Variants in MYO6 observed in about 807,000 individuals in gnomAD.
MYO6 encodes myosin VI.
Under a neutral mutation model 178.7 loss-of-function variants are expected in MYO6, and 74 were observed. The ratio of observed to expected loss-of-function variants is 0.41; its 90% CI spans 0.34 to 0.50. The LOEUF (loss-of-function observed/expected upper bound fraction) is 0.50. Among genes scored for constraint, MYO6 ranks in the 20% least tolerant of loss-of-function variants. The pLI, the probability that MYO6 is intolerant of heterozygous loss-of-function variation, is 0.09. For synonymous variants in MYO6, 477 were observed against 504.6 expected, an observed-to-expected ratio of 0.95 and a Z score of 0.73; for missense variants, 1,330 against 1,547.4, an observed-to-expected ratio of 0.86 and a Z score of 2.36.
intron 17 of MYO6, 55 bp from the exon 18 acceptor site, chr6:75,866,877 T>A: frequency 6.4e-7 from 1 of 1,564,572 alleles, no homozygotes; most frequent in Non-Finnish European, 8.8e-7. Flanking sequence ...AGAGCCATGT[T>A]AAGTGATGTT....
chr6:75,799,485 C>G (rs902599142), intron 1 of MYO6, among the ~76,000 whole-genome samples: 1 of 151,934 alleles, frequency 6.6e-6, no homozygotes, highest in Non-Finnish European at 1.5e-5. Flanking sequence ...AAGAGAGTCT[C>G]ATTTTTGTAA....
intron 5 of MYO6, among the ~76,000 whole-genome samples, chr6:75,831,658 G>T (rs1031618970): frequency 2.6e-5 from 4 of 152,078 alleles, no homozygotes; most frequent in Non-Finnish European, 4.4e-5. Context: ...CAAGCACTTC[G>T]GGGAGGGCGG....
chr6:75,866,677 G>T, intron 17 of MYO6, 56 bp downstream of exon 17: 1 of 1,387,874 alleles, frequency 7.2e-7, no homozygotes, highest in Non-Finnish European at 1.0e-6. Context: ...GCACTGTACA[G>T]TATGATAGCT....
chr6:75,788,107 T>C (rs1583076616), intron 1 of MYO6, among the ~76,000 whole-genome samples: 1 of 152,156 alleles, frequency 6.6e-6, no homozygotes, highest in East Asian at 1.9e-4. Flanking sequence ...TTTTACTATA[T>C]GTAAATTATA....
intron 1 of MYO6, among the ~76,000 whole-genome samples, chr6:75,787,994 C>CA: frequency 6.6e-6 from 1 of 151,370 alleles, no homozygotes; most frequent in South Asian, 2.1e-4. Flanking sequence ...CTCCTGGGCT[C>CA]AAGTAATTCT....
intron 1 of MYO6, among the ~76,000 whole-genome samples, chr6:75,792,963 T>A (rs942435229): frequency 8.6e-5 from 13 of 152,038 alleles, no homozygotes; most frequent in Admixed American, 3.9e-4. Flanking sequence ...TTTTTTTTTT[T>A]AATTTTTTTG....
At chr6:75,806,914 CTG>C (rs112070100) in intron 1 of MYO6, among the ~76,000 whole-genome samples, 18 of 151,964 alleles carry the variant, frequency 1.2e-4, no homozygotes, top group Admixed American at 1.0e-3. Flanking sequence ...CTCTATATTT[CTG>C]TGTGTGTGTG....
In MYO6 at chr6:75,811,334, C is replaced by T. The variant is rs73751019; in HGVS notation, c.-47-6167C>T. On this transcript the variant is annotated intron_variant, in intron 1 of 34. Coordinates refer to ENST00000369977, the MANE Select transcript of MYO6 (RefSeq NM_004999.4). The stretch of plus-strand genomic sequence containing the variant: ...TTCGAATTCATGCCTTGAAATTCAG[C>T]TCTCTTGTGGTTGCTGTTGGTTGCC... Among the ~76,000 whole-genome samples the T allele has an allele frequency of 5.9e-3, 894 of 152,262 alleles. 11 individuals are homozygous for T. The highest frequency in any genetic ancestry group is 0.021 in the African/African-American group (857 of 41,544).
At chr6:75,766,736 A>C (rs1419284770) in intron 1 of MYO6, among the ~76,000 whole-genome samples, 1 of 152,158 alleles carries the variant, frequency 6.6e-6, no homozygotes, top group Admixed American at 6.6e-5. Flanking sequence ...TCTTCTTTCA[A>C]TTTATGTGTT....
chr6:75,757,369 G>T (rs1777538184), intron 1 of MYO6, among the ~76,000 whole-genome samples: 2 of 148,654 alleles, frequency 1.3e-5, no homozygotes, highest in Admixed American at 6.7e-5. Context: ...CTGTGTGTGT[G>T]TGTGTATATA....
intron 28 of MYO6, among the ~76,000 whole-genome samples, chr6:75,894,555 T>C (rs1779144608): frequency 1.3e-5 from 2 of 150,238 alleles, no homozygotes; most frequent in Non-Finnish European, 1.5e-5. Context: ...GCATTAGCAC[T>C]TCATTATGAA....
At chr6:75,838,951 C>T (rs751204743) in intron 7 of MYO6, among the ~76,000 whole-genome samples, 8 of 151,594 alleles carry the variant, frequency 5.3e-5, no homozygotes, top group African/African-American at 9.7e-5. Context: ...TGAGCCACCG[C>T]GCCTGGCTGA....
At chr6:75,904,591 G>T (rs1780112420) in intron 30 of MYO6, among the ~76,000 whole-genome samples, 2 of 152,006 alleles carry the variant, frequency 1.3e-5, no homozygotes, top group African/African-American at 2.4e-5. Context: ...GCTCCTTTAA[G>T]CACTTCTCTG....
chr6:75,891,348 A>G (rs767929005), intron 27 of MYO6, 42 bp downstream of exon 27: 2 of 1,478,880 alleles, frequency 1.4e-6, no homozygotes, highest in East Asian at 4.8e-5. Flanking sequence ...AATGGAACCT[A>G]CAGGCTGGGT....
At chr6:75,893,936 A>G (rs926431888) in intron 28 of MYO6, among the ~76,000 whole-genome samples, 2 of 152,202 alleles carry the variant, frequency 1.3e-5, no homozygotes, top group African/African-American at 4.8e-5. Context: ...CCTGTGTTGC[A>G]TCAGAATGAT....
Position 75,891,299 on chromosome 6 carries a change from G to A in MYO6, c.2939G>A (p.Arg980His), listed in dbSNP as rs375397461. 72 of 1,603,424 alleles carry A rather than the reference G, an allele frequency of 4.5e-5. 1 individual carries two copies. Among genetic ancestry groups the A allele is most frequent in the South Asian group, 3.1e-4 (28 of 90,474 alleles). ...AAGAAAAGGGAAGATGATGAAAAAC[G>A]CATTCAAGTATGTACTTACTGGGTT... Reference protein sequence around the residue: ...ERKKREDDEKRIQAEVEAQLA... With the variant: ...ERKKREDDEKHIQAEVEAQLA... Residue 980 changes from arginine (R) to histidine (H), a missense_variant, in exon 27 of 35, where the codon CGC becomes CAC. Coordinates refer to ENST00000369977, the MANE Select transcript of MYO6 (RefSeq NM_004999.4).
chr6:75,787,664 G>T, intron 1 of MYO6, among the ~76,000 whole-genome samples: 1 of 101,478 alleles, frequency 9.9e-6, no homozygotes, highest in Non-Finnish European at 1.9e-5. Context: ...TATATATGGG[G>T]GAATGGAACT....
At chr6:75,890,993 A>G (rs1778861846) in intron 26 of MYO6, among the ~76,000 whole-genome samples, 1 of 152,224 alleles carries the variant, frequency 6.6e-6, no homozygotes, top group Non-Finnish European at 1.5e-5. Context: ...TTGTAACCAC[A>G]TTCATCTAGA....
In MYO6 at chr6:75,817,579, A is replaced by C; in HGVS notation, c.32A>C (p.His11Pro). ...GATGGAAAGCCCGTTTGGGCGCCAC[A>C]CCCTACAGATGGATTTCAGATGGGC... The part of the protein sequence containing the change: MEDGKPVWAP[H>P]PTDGFQMGNI... The change falls in exon 2 of 35, where the codon CAC becomes CCC. Residue 11 changes from histidine (H) to proline (P), a missense_variant. By Grantham distance (77) the His-to-Pro change is moderately conservative. Transcript: ENST00000369977. The C allele has an allele frequency of 6.2e-7, 1 of 1,614,210 alleles. No individual in the cohort carries two copies. Among genetic ancestry groups the C allele is most frequent in the Non-Finnish European group, 8.5e-7 (1 of 1,180,028 alleles).
Sources: allele counts gnomAD v4.1 joint callset (sites outside exome capture counted in the v4.1 genomes callset), GRCh38; gene constraint gnomAD v4.1.1; transcripts MANE v1.5; gene names NCBI Gene and HGNC (gene_info 2026-07-23, HGNC 2026-07-21).